NCF2: variants seen among roughly 807,000 people sequenced by gnomAD.
NCF2 encodes the protein neutrophil cytosol factor 2.
Under a neutral mutation model 70.9 loss-of-function variants are expected in NCF2, and 45 were observed. That is an observed-to-expected ratio of 0.63 (90% CI 0.50 to 0.81). The LOEUF is 0.81. NCF2 is among the 40% of genes least tolerant of loss of function. NCF2 has a pLI of 0.00. For synonymous variants in NCF2, 203 were observed against 233.6 expected (o/e 0.87, Z 1.19); for missense variants, 522 against 631.6 (o/e 0.83, Z 1.86).
chr1:183,583,166 C>G (rs749232924), intron 2 of NCF2, among the ~76,000 whole-genome samples: 2 of 152,164 alleles, frequency 1.3e-5, no homozygotes, highest in Non-Finnish European at 2.9e-5. Context: ...TATTCTCCTG[C>G]CTCAGCGTCC....
chr1:183,583,197 C>A (rs1239141140), intron 2 of NCF2, among the ~76,000 whole-genome samples: 1 of 152,158 alleles, frequency 6.6e-6, no homozygotes, highest in Non-Finnish European at 1.5e-5. Context: ...GGATTACAGG[C>A]ACCCACCACC....
chr1:183,590,754 G>A, upstream of NCF2: 4 of 247,668 alleles, frequency 1.6e-5, no homozygotes, highest in South Asian at 1.8e-4. Context: ...GGTAACCTTG[G>A]CAGGTAGAGG....
rs57218247 is a variant in NCF2, at chr1:183,561,779, C to CTTTTTTTT, written c.1290+1408_1290+1415dup. Reference sequence around the variant, plus strand: ...TTCAGGCATAAACCATACCAGGCCTCTTTTTTTTTTTTTTTTTTTTTTTTT... The same window carrying CTTTTTTTT: ...TTCAGGCATAAACCATACCAGGCCTCTTTTTTTTTTTTTTTTTTTTTTTTTTTTTTTTT... On this transcript the variant is annotated intron_variant, in intron 13 of 14. Coordinates refer to ENST00000367535, the MANE Select transcript of NCF2 (RefSeq NM_000433.4). Among the ~76,000 whole-genome samples the CTTTTTTTT allele has an allele frequency of 8.4e-4, 55 of 65,162 alleles. 2 individuals carry two copies. Among genetic ancestry groups the CTTTTTTTT allele is most frequent in the Non-Finnish European group, 1.2e-3 (44 of 37,586 alleles). 42.7% of individuals were successfully genotyped at this position (65,162 alleles called of 152,430 possible). A position where few individuals can be genotyped will look rare whatever the true frequency, so the allele number is the denominator to read the frequency against.
the NCF2 span, among the ~76,000 whole-genome samples, chr1:183,599,579 T>C: frequency 1.3e-5 from 2 of 150,868 alleles, no homozygotes; most frequent in Non-Finnish European, 2.9e-5. Flanking sequence ...TGAGATGGAG[T>C]CTCGCTGTGT....
At chr1:183,591,481 C>CTT (rs1336269208), upstream of NCF2, among the ~76,000 whole-genome samples, 442 of 137,914 alleles carry the variant, frequency 3.2e-3, 3 homozygotes, top group African/African-American at 8.1e-3. Context: ...CCTGAAATAA[C>CTT]TTTTTTTTTT....
At chr1:183,587,978 T>G (rs1225382891) in intron 1 of NCF2, among the ~76,000 whole-genome samples, 1 of 152,234 alleles carries the variant, frequency 6.6e-6, no homozygotes, top group African/African-American at 2.4e-5. Flanking sequence ...TTAATATGAT[T>G]AGATAGAAGC....
intron 13 of NCF2, among the ~76,000 whole-genome samples, chr1:183,562,433 G>C (rs1672103980): frequency 6.6e-6 from 1 of 152,020 alleles, no homozygotes; most frequent in Non-Finnish European, 1.5e-5. Context: ...TTTTGTCTCA[G>C]CCAGAGACAC....
rs928740049 is a variant in NCF2 at position 183,575,422 on chromosome 1, G to A, written c.367-801C>T. 2.0e-5 allele frequency among the ~76,000 whole-genome samples: 3 copies of A among 152,156 alleles called. No individual in the cohort carries two copies. In the East Asian group the frequency reaches 5.8e-4, roughly 29 times the overall value. ...AGACAGAGGTTAGCACAGAAGCCAG[G>A]GGCACCTTCACCTCAGGTGGGGGGG... On this transcript the variant is annotated intron_variant, in intron 3 of 14. Coordinates refer to ENST00000367535, the MANE Select transcript of NCF2 (RefSeq NM_000433.4).
At chr1:183,581,767 A>G (rs1673109284) in intron 2 of NCF2, among the ~76,000 whole-genome samples, 1 of 151,380 alleles carries the variant, frequency 6.6e-6, no homozygotes. Context: ...CTCCCGGTTC[A>G]CGCCATTCTC....
At chr1:183,584,002 G>A (rs1673228354) in intron 2 of NCF2, among the ~76,000 whole-genome samples, 1 of 152,338 alleles carries the variant, frequency 6.6e-6, no homozygotes, top group East Asian at 1.9e-4. Flanking sequence ...AACCAAGGCA[G>A]TGCTAGTGGG....
intron 10 of NCF2, 29 bp from the exon 11 acceptor site, chr1:183,564,059 AAAG>A (rs1672198938): frequency 6.2e-7 from 1 of 1,602,190 alleles, no homozygotes; most frequent in African/African-American, 1.3e-5. Context: ...GAGTAAAACA[AAAG>A]AAGATGGTGA....
chr1:183,596,965 C>T, the NCF2 span, among the ~76,000 whole-genome samples: 59,082 of 152,066 alleles, frequency 0.39, 11,650 homozygotes, highest in Middle Eastern at 0.44. Flanking sequence ...ATCTATCCAG[C>T]TAGCTATAAA....
At chr1:183,567,178 G>T (rs923268186) in intron 8 of NCF2, 26 bp downstream of exon 8, 4 of 1,613,862 alleles carry the variant, frequency 2.5e-6, no homozygotes, top group Non-Finnish European at 3.4e-6. Context: ...CATGCCCATC[G>T]CACCAGCCCC....
intron 1 of NCF2, among the ~76,000 whole-genome samples, chr1:183,587,509 G>A (rs570028783): frequency 2.4e-4 from 35 of 143,356 alleles, no homozygotes; most frequent in African/African-American, 7.8e-4. Flanking sequence ...TAGGTCAATC[G>A]CTCAAGCCCA....
At chr1:183,599,527 CTCTT>C in the NCF2 span, among the ~76,000 whole-genome samples, 624 of 136,022 alleles carry the variant, frequency 4.6e-3, 5 homozygotes, top group African/African-American at 0.012. Flanking sequence ...TTCTTTCTCT[CTCTT>C]TCTTTCTTTC....
chr1:183,596,643 G>C, the NCF2 span, among the ~76,000 whole-genome samples: 1 of 151,946 alleles, frequency 6.6e-6, no homozygotes, highest in Non-Finnish European at 1.5e-5. Flanking sequence ...TCAGGAGGCT[G>C]AGGTAGGAGA....
intron 14 of NCF2, among the ~76,000 whole-genome samples, chr1:183,558,369 G>A (rs1572144816): frequency 6.6e-6 from 1 of 150,874 alleles, no homozygotes; most frequent in East Asian, 2.0e-4. Flanking sequence ...CTGGGTTCAA[G>A]AGATTGTCCT....
intron 1 of NCF2, among the ~76,000 whole-genome samples, chr1:183,587,595 CAAAAAAAAAA>C (rs11287969): frequency 0.011 from 453 of 41,940 alleles, 6 homozygotes; most frequent in African/African-American, 0.023. Flanking sequence ...CACCCTGTCT[CAAAAAAAAAA>C]AAAAAAAAAA....
At chr1:183,574,706 A>C in intron 3 of NCF2, 85 bp from the exon 4 acceptor site, 1 of 1,520,382 alleles carries the variant, frequency 6.6e-7, no homozygotes, top group South Asian at 1.1e-5. Flanking sequence ...TACTCTGAGA[A>C]TGTTGCCTGG....
Sources: allele counts gnomAD v4.1 joint callset (sites outside exome capture counted in the v4.1 genomes callset), GRCh38; gene constraint gnomAD v4.1.1; transcripts MANE v1.5; gene names NCBI Gene and HGNC (gene_info 2026-07-23, HGNC 2026-07-21).